Variants in HERPUD1 observed in about 807,000 individuals in gnomAD.
HERPUD1 encodes the protein homocysteine-responsive endoplasmic reticulum-resident ubiquitin-like domain member 1 protein.
Under a neutral mutation model 45.0 loss-of-function variants are expected in HERPUD1, and 17 were observed. The observed-to-expected ratio is 0.38, with a 90% CI of 0.26 to 0.57. The LOEUF (loss-of-function observed/expected upper bound fraction) is 0.57. Ranked by LOEUF, HERPUD1 falls within the 20% of genes least tolerant of loss-of-function variation. The pLI is 0.72. For missense variants in HERPUD1, 420 were observed against 490.5 expected, an observed-to-expected ratio of 0.86 and a Z score of 1.36; for synonymous variants, 164 against 177.5, an observed-to-expected ratio of 0.92 and a Z score of 0.61.
chr16:56,940,265 A>G lies in HERPUD1; in HGVS notation c.905+20A>G, dbSNP rs758602787. 1 of 1,536,946 alleles carries G rather than the reference A, an allele frequency of 6.5e-7. No individual in the cohort carries two copies. Among genetic ancestry groups the G allele is most frequent in the East Asian group, 2.3e-5 (1 of 44,382 alleles). On this transcript the variant is annotated intron_variant, in intron 6 of 7. Transcript: ENST00000439977. ...GTACCTGTAAGCAGATGGTTTCTCT[A>G]ATATAAATTACACTACACTGTGTTC...
intron 5 of HERPUD1, 37 bp from the exon 6 acceptor site, chr16:56,939,858 G>C (rs367554727): frequency 2.2e-4 from 337 of 1,525,202 alleles, no homozygotes; most frequent in Non-Finnish European, 2.8e-4. Context: ...CGGTGCTTTG[G>C]TCTCAACAGT....
intron 7 of HERPUD1, 77 bp from the exon 8 acceptor site, chr16:56,943,049 C>G: frequency 6.8e-7 from 1 of 1,471,794 alleles, no homozygotes; most frequent in East Asian, 2.3e-5. Flanking sequence ...CTGCCCTTTC[C>G]TAACATTATT....
At chr16:56,933,555 T>G (rs2055843008) in intron 1 of HERPUD1, among the ~76,000 whole-genome samples, 1 of 152,216 alleles carries the variant, frequency 6.6e-6, no homozygotes, top group South Asian at 2.1e-4. Context: ...ATTTTTAAGG[T>G]CTTCCTTTGA....
intron 6 of HERPUD1, 61 bp downstream of exon 6, chr16:56,940,306 T>G: frequency 7.8e-7 from 1 of 1,275,188 alleles, no homozygotes; most frequent in Non-Finnish European, 1.1e-6. Context: ...AAGCAGATTT[T>G]GCTCTTTTTG....
intron 6 of HERPUD1, chr16:56,941,051 G>A (rs377474561): frequency 6.6e-6 from 1 of 152,206 alleles, no homozygotes; most frequent in East Asian, 1.9e-4. Flanking sequence ...TATCAATCCT[G>A]TGTTAATATA....
chr16:56,938,995 C>T, intron 4 of HERPUD1: 1 of 553,972 alleles, frequency 1.8e-6, no homozygotes, highest in Non-Finnish European at 3.2e-6. Context: ...GTGCACTCAG[C>T]AAGCAGGTGG....
chr16:56,932,445 G>A, intron 1 of HERPUD1, 54 bp downstream of exon 1: 3 of 1,440,070 alleles, frequency 2.1e-6, no homozygotes, highest in Non-Finnish European at 2.8e-6. Context: ...GCCCTCTGCT[G>A]GGGATGCCAC....
Position 56,936,754 on chromosome 16 carries a change from A to T in HERPUD1, c.368A>T (p.Asp123Val). Residue 123 changes from aspartate (D) to valine (V), a missense_variant, in exon 4 of 8, where the codon GAT becomes GTT. By Grantham distance (152) the Asp-to-Val change is radical. Coordinates refer to ENST00000439977, the MANE Select transcript of HERPUD1 (RefSeq NM_014685.4). ...RGQYPEDSSS[D>V]GLRQREVLRN... ...CAGTATCCTGAGGATTCCTCAAGTGATGGTTTAAGGCAAAGGGAAGTTCTT... is the reference window on the plus strand; with the variant it reads ...CAGTATCCTGAGGATTCCTCAAGTGTTGGTTTAAGGCAAAGGGAAGTTCTT... 6.2e-7 allele frequency: 1 copy of T among 1,614,078 alleles called. No individual in the cohort carries two copies. The highest frequency in any genetic ancestry group is 8.5e-7 in the Non-Finnish European group (1 of 1,179,970).
Position 56,943,415 on chromosome 16 carries a change from T to A in HERPUD1, c.*125T>A. 8.8e-7 allele frequency: 1 copy of A among 1,139,472 alleles called. No homozygotes were observed. The allele number at this position is 1,139,472 out of a possible 1,614,324, so 70.6% of individuals were successfully genotyped here. A position where few individuals can be genotyped will look rare whatever the true frequency, so the allele number is the denominator to read the frequency against. ...TTAAAAAACAGTGTGGATGATGATATGCTTTTGTGAGCAAGCAAAAGCAGA... is the reference window on the plus strand; with the variant it reads ...TTAAAAAACAGTGTGGATGATGATAAGCTTTTGTGAGCAAGCAAAAGCAGA... On this transcript the variant is annotated 3_prime_UTR_variant, in exon 8 of 8. Coordinates refer to ENST00000439977, the MANE Select transcript of HERPUD1 (RefSeq NM_014685.4).
chr16:56,934,982 G>A, intron 1 of HERPUD1: 1 of 417,404 alleles, frequency 2.4e-6, no homozygotes, highest in South Asian at 2.3e-5. Context: ...ACAGTGCTTG[G>A]ATTACAGGCA....
chr16:56,934,856 C>T lies in HERPUD1; in HGVS notation c.148-379C>T, dbSNP rs2055853800. 8 of 221,700 alleles carry T rather than the reference C, an allele frequency of 3.6e-5. No individual in the cohort carries two copies. The South Asian group carries it at 5.0e-4, about 14-fold the overall frequency. The allele number at this position is 221,700 out of a possible 1,614,324, so 13.7% of individuals were successfully genotyped here. ...CCTCCTGAGTAGTTTGGGTTACAGGCACAAGCCACCACGCCCAGCTAATTT... is the reference window on the plus strand; with the variant it reads ...CCTCCTGAGTAGTTTGGGTTACAGGTACAAGCCACCACGCCCAGCTAATTT... On this transcript the variant is annotated intron_variant, in intron 1 of 7. Transcript: ENST00000439977.
intron 6 of HERPUD1, chr16:56,941,469 G>A (rs1402872350): frequency 1.3e-5 from 2 of 152,210 alleles, no homozygotes; most frequent in African/African-American, 4.8e-5. Context: ...AACTCCCACA[G>A]TAAATATTTG....
chr16:56,940,272 A>G, intron 6 of HERPUD1, 27 bp downstream of exon 6: 1 of 1,491,552 alleles, frequency 6.7e-7, no homozygotes, highest in Non-Finnish European at 9.3e-7. Context: ...TCTAATATAA[A>G]TTACACTACA....
chr16:56,932,994 T>C (rs2055839210), intron 1 of HERPUD1, among the ~76,000 whole-genome samples: 1 of 152,202 alleles, frequency 6.6e-6, no homozygotes. Flanking sequence ...AGGAGTCGCC[T>C]TCAGTCTGGT....
chr16:56,943,451 C>A lies in HERPUD1; in HGVS notation c.*161C>A. 1 of 845,212 alleles carries A rather than the reference C, an allele frequency of 1.2e-6. No homozygotes were observed. The highest frequency in any genetic ancestry group is 2.0e-6 in the Non-Finnish European group (1 of 505,150). 52.4% of individuals were successfully genotyped at this position (845,212 alleles called of 1,614,324 possible). A position where few individuals can be genotyped will look rare whatever the true frequency, so the allele number is the denominator to read the frequency against. On this transcript the variant is annotated 3_prime_UTR_variant, in exon 8 of 8. Transcript: ENST00000439977. ...GCAAGCAAAAGCAGAAACGTGAAGC[C>A]GTGATACAAATTGGTGAACAAAAAA...
chr16:56,935,057 AAGTT>A (rs2144816661), intron 1 of HERPUD1, 174 bp from the exon 2 acceptor site: 1 of 587,314 alleles, frequency 1.7e-6, no homozygotes, highest in East Asian at 2.8e-5. Flanking sequence ...AGACCAGTTA[AAGTT>A]AAGACACTTT....
In HERPUD1 at chr16:56,935,260, A is replaced by T. The variant is rs146712017; in HGVS notation, c.173A>T (p.Tyr58Phe). ...RPRPEDQRLI[Y>F]SGKLLLDHQC... ...CGTCCAGAGGACCAGAGGTTAATTT[A>T]TTCTGGGAAGCTGTTGTTGGATCAC... The change falls in exon 2 of 8, where the codon TAT (tyrosine) becomes TTT (phenylalanine). Residue 58 changes from tyrosine (Y) to phenylalanine (F), a missense_variant. Coordinates refer to ENST00000439977, the MANE Select transcript of HERPUD1 (RefSeq NM_014685.4). 2 of 1,613,906 alleles carry T rather than the reference A, an allele frequency of 1.2e-6. No homozygotes were observed. Among genetic ancestry groups the T allele is most frequent in the Non-Finnish European group, 1.7e-6 (2 of 1,179,786 alleles).
Position 56,943,212 on chromosome 16 carries a change from T to C in HERPUD1, c.1098T>C (p.Phe366=). 3 of 1,614,190 alleles carry C rather than the reference T, an allele frequency of 1.9e-6. No individual in the cohort carries two copies. The highest frequency in any genetic ancestry group is 1.3e-5 in the African/African-American group (1 of 75,042). The change falls in exon 8 of 8, where the codon TTT becomes TTC. Residue 366 remains phenylalanine, a synonymous_variant. Transcript: ENST00000439977. The part of the protein sequence containing the change: ...VLDGEQTSPS[F]MSTAWLVFKT... ...ATGGCGAGCAGACCAGCCCCTCCTT[T>C]ATGAGCACAGCATGGCTTGTCTTCA...
chr16:56,935,710 C>T, intron 3 of HERPUD1: 2 of 540,500 alleles, frequency 3.7e-6, no homozygotes, highest in South Asian at 4.2e-5. Flanking sequence ...ATTGCACTAT[C>T]TTATGGGATA....
Sources: allele counts gnomAD v4.1 joint callset (sites outside exome capture counted in the v4.1 genomes callset), GRCh38; gene constraint gnomAD v4.1.1; transcripts MANE v1.5; gene names NCBI Gene and HGNC (gene_info 2026-07-23, HGNC 2026-07-21).